The following CTNNA2 variants were observed in gnomAD, a reference collection of about 807,000 sequenced individuals.
CTNNA2 encodes the protein catenin alpha-2.
Under a neutral mutation model 101.0 loss-of-function variants are expected in CTNNA2, and 42 were observed. The ratio of observed to expected loss-of-function variants is 0.42; its 90% CI spans 0.32 to 0.54. CTNNA2 has a LOEUF of 0.54. Among genes scored for constraint, CTNNA2 ranks in the 20% least tolerant of loss-of-function variants. CTNNA2 has a pLI of 0.14. For missense variants in CTNNA2, 871 were observed against 1,223.1 expected (o/e 0.71, Z 4.29); for synonymous variants, 450 against 456.4 (o/e 0.99, Z 0.18).
intron 7 of CTNNA2, among the ~76,000 whole-genome samples, chr2:80,018,230 C>T (rs1694288372): frequency 6.6e-6 from 1 of 152,156 alleles, no homozygotes; most frequent in Admixed American, 6.5e-5. Flanking sequence ...AAAGATACCT[C>T]CTGTCTCAAA....
intron 7 of CTNNA2, among the ~76,000 whole-genome samples, chr2:80,255,841 C>T (rs1672097841): frequency 6.6e-6 from 1 of 152,290 alleles, no homozygotes; most frequent in East Asian, 1.9e-4. Context: ...ACAGGAATCA[C>T]GTGCTGTTGC....
chr2:79,633,579 G>A (rs1005334919), intron 1 of CTNNA2: 1 of 152,262 alleles, frequency 6.6e-6, no homozygotes, highest in African/African-American at 2.4e-5. Context: ...GGGCCTTTGA[G>A]AGGTGAGTGA....
At chr2:80,400,406 G>A (rs1678445833) in intron 8 of CTNNA2, among the ~76,000 whole-genome samples, 1 of 152,136 alleles carries the variant, frequency 6.6e-6, no homozygotes, top group Non-Finnish European at 1.5e-5. Flanking sequence ...GCTCCAGGAT[G>A]TCCTCATATT....
At chr2:80,590,161 C>T in intron 15 of CTNNA2, among the ~76,000 whole-genome samples, 1 of 152,156 alleles carries the variant, frequency 6.6e-6, no homozygotes, top group Admixed American at 6.5e-5. Context: ...TCTTTTCTAT[C>T]ATTGCATTTT....
intron 13 of CTNNA2, chr2:80,575,402 T>C (rs912966582): frequency 6.6e-6 from 1 of 152,276 alleles, no homozygotes; most frequent in African/African-American, 2.4e-5. Flanking sequence ...AGCCTAAATC[T>C]TTCTCTCTCT....
intron 7 of CTNNA2, among the ~76,000 whole-genome samples, chr2:80,025,019 C>T (rs763982334): frequency 2.6e-5 from 4 of 152,134 alleles, no homozygotes; most frequent in Admixed American, 6.5e-5. Flanking sequence ...TCGAGTTCGA[C>T]CATCCCCGGC....
rs182125635 is a variant in CTNNA2 at position 79,225,254 on chromosome 2, A to G, written c.-406+27178A>G. ...TAACTATTTTGCAGTCGCACTGACA[A>G]TATGTTCTAGTTTCAGTTGCTCCAT... On this transcript the variant is annotated intron_variant, in intron 2 of 21. Transcript: ENST00000466387. Among the ~76,000 whole-genome samples the G allele has an allele frequency of 9.9e-4, 151 of 152,274 alleles. 1 individual carries two copies. Among genetic ancestry groups the G allele is most frequent in the African/African-American group, 3.0e-3 (126 of 41,568 alleles).
chr2:80,640,335 TTAA>T (rs1183222299), intron 18 of CTNNA2, among the ~76,000 whole-genome samples: 1 of 152,174 alleles, frequency 6.6e-6, no homozygotes, highest in African/African-American at 2.4e-5. Flanking sequence ...GCCTGAGTGA[TTAA>T]TAATGCCTGC....
intron 4 of CTNNA2, among the ~76,000 whole-genome samples, chr2:79,429,186 TA>T (rs1314136857): frequency 6.6e-6 from 1 of 152,140 alleles, no homozygotes; most frequent in East Asian, 1.9e-4. Context: ...TGTACACAAT[TA>T]AAACAAAGTA....
chr2:80,033,527 C>G (rs181603392), intron 7 of CTNNA2, among the ~76,000 whole-genome samples: 1 of 152,056 alleles, frequency 6.6e-6, no homozygotes, highest in South Asian at 2.1e-4. Context: ...GTGAGTGACC[C>G]GTGATCAGGC....
At chr2:80,584,821 T>C (rs1695835020) in intron 14 of CTNNA2, among the ~76,000 whole-genome samples, 1 of 152,190 alleles carries the variant, frequency 6.6e-6, no homozygotes, top group Non-Finnish European at 1.5e-5. Flanking sequence ...ATGGTGATGA[T>C]GCTTGTGGCT....
intron 5 of CTNNA2, among the ~76,000 whole-genome samples, chr2:79,871,807 G>T (rs1166186492): frequency 6.6e-6 from 1 of 152,182 alleles, no homozygotes; most frequent in East Asian, 1.9e-4. Context: ...ACATCAAATA[G>T]AAGAGAAGTG....
chr2:79,559,405 C>T (rs570765922), intron 1 of CTNNA2, among the ~76,000 whole-genome samples: 1 of 151,948 alleles, frequency 6.6e-6, no homozygotes, highest in East Asian at 1.9e-4. Context: ...GATATTTTGC[C>T]ATGTCTGAGA....
At chr2:80,371,430 T>C (rs1204533888) in intron 7 of CTNNA2, among the ~76,000 whole-genome samples, 1 of 152,016 alleles carries the variant, frequency 6.6e-6, no homozygotes, top group African/African-American at 2.4e-5. Context: ...GTATTATGAA[T>C]AGCATAGACA....
chr2:79,321,314 G>C (rs72818632), intron 3 of CTNNA2, among the ~76,000 whole-genome samples: 2 of 152,054 alleles, frequency 1.3e-5, no homozygotes. Flanking sequence ...CACCTCTTAC[G>C]TAGGGCATTG....
At chr2:80,542,543 G>A (rs1304573676) in intron 9 of CTNNA2, among the ~76,000 whole-genome samples, 2 of 151,824 alleles carry the variant, frequency 1.3e-5, no homozygotes, top group South Asian at 4.2e-4. Context: ...TGATGACTTG[G>A]TCTGGATCCA....
At chr2:80,367,219 A>AT (rs1400811038) in intron 7 of CTNNA2, among the ~76,000 whole-genome samples, 3 of 152,126 alleles carry the variant, frequency 2.0e-5, no homozygotes, top group Non-Finnish European at 2.9e-5. Flanking sequence ...AAAATACTTC[A>AT]TTATCACACT....
chr2:79,801,126 A>G (rs1676120660), intron 3 of CTNNA2, among the ~76,000 whole-genome samples: 1 of 152,148 alleles, frequency 6.6e-6, no homozygotes, highest in African/African-American at 2.4e-5. Context: ...GCTAAATGTA[A>G]ATTTATGAGA....
At chr2:80,099,941 T>C (rs1453476553) in intron 7 of CTNNA2, among the ~76,000 whole-genome samples, 1 of 152,038 alleles carries the variant, frequency 6.6e-6, no homozygotes, top group African/African-American at 2.4e-5. Flanking sequence ...TTTTTTTTGT[T>C]GTTGTTGAGA....
Sources: allele counts gnomAD v4.1 joint callset (sites outside exome capture counted in the v4.1 genomes callset), GRCh38; gene constraint gnomAD v4.1.1; transcripts MANE v1.5; gene names NCBI Gene and HGNC (gene_info 2026-07-23, HGNC 2026-07-21).